Variants in WDPCP observed in about 807,000 individuals in gnomAD.
WDPCP encodes the protein WD repeat containing planar cell polarity effector.
Under a neutral mutation model 93.1 loss-of-function variants are expected in WDPCP, and 71 were observed. The observed-to-expected ratio is 0.76, with a 90% CI of 0.63 to 0.93. WDPCP has a LOEUF of 0.93. Ranked by LOEUF, WDPCP falls within the 40% of genes least tolerant of loss-of-function variation. The pLI is 0.00. For synonymous variants in WDPCP, 315 were observed against 315.0 expected (o/e 1.00, Z 0.00); for missense variants, 844 against 887.4 (o/e 0.95, Z 0.62).
chr2:63,602,831 G>C (rs933935773), intron 3 of WDPCP, among the ~76,000 whole-genome samples: 1 of 151,904 alleles, frequency 6.6e-6, no homozygotes, highest in Non-Finnish European at 1.5e-5. Context: ...ATGCCTTTAA[G>C]ATCCATCCAG....
chr2:63,285,232 T>C (rs7596580), intron 13 of WDPCP, among the ~76,000 whole-genome samples: 123,465 of 152,072 alleles, frequency 0.81, 50,875 homozygotes, highest in East Asian at 0.96. Flanking sequence ...AGATCAAGAC[T>C]ATCCTGGCTA....
rs62180319 is a variant in WDPCP at position 63,161,619 on chromosome 2, T to A, written c.2079-8045A>T. On this transcript the variant is annotated intron_variant, in intron 15 of 17. Coordinates refer to ENST00000272321, the MANE Select transcript of WDPCP (RefSeq NM_015910.7). ...AACAAAAAAAGCCCCTTAAAGTGAA[T>A]CAATTTAAACTGGGGTTGAAAATCA... Among the ~76,000 whole-genome samples the A allele has an allele frequency of 3.4e-3, 524 of 152,278 alleles. 1 individual carries two copies. The highest frequency in any genetic ancestry group is 6.6e-3 in the Non-Finnish European group (448 of 68,006).
At chr2:63,548,950 T>A (rs1319050520) in intron 1 of WDPCP, among the ~76,000 whole-genome samples, 1 of 152,088 alleles carries the variant, frequency 6.6e-6, no homozygotes, top group African/African-American at 2.4e-5. Context: ...TAAACAGTGA[T>A]GAAAATATCA....
intron 2 of WDPCP, among the ~76,000 whole-genome samples, chr2:63,710,576 A>T (rs1322309169): frequency 6.6e-6 from 1 of 152,206 alleles, no homozygotes; most frequent in Non-Finnish European, 1.5e-5. Context: ...TTAATGGACC[A>T]AGAGATCTCT....
At chr2:63,235,209 C>A (rs762580399) in intron 14 of WDPCP, among the ~76,000 whole-genome samples, 4 of 152,018 alleles carry the variant, frequency 2.6e-5, no homozygotes, top group East Asian at 1.9e-4. Context: ...GAAACTGATA[C>A]AAACACCTCA....
chr2:63,250,983 A>G (rs1460512537), intron 14 of WDPCP, among the ~76,000 whole-genome samples: 3 of 152,192 alleles, frequency 2.0e-5, no homozygotes, highest in Admixed American at 6.5e-5. Context: ...AGATCTCTCC[A>G]AAGTTTATAG....
At chr2:63,128,423 A>C (rs1393289474) in intron 17 of WDPCP, among the ~76,000 whole-genome samples, 1 of 152,162 alleles carries the variant, frequency 6.6e-6, no homozygotes, top group Non-Finnish European at 1.5e-5. Flanking sequence ...CCAAGAGGTA[A>C]CTAGATCACT....
chr2:63,271,567 T>C (rs182263101), intron 13 of WDPCP, among the ~76,000 whole-genome samples: 66 of 152,312 alleles, frequency 4.3e-4, no homozygotes, highest in African/African-American at 1.4e-3. Flanking sequence ...TCACTGTCAC[T>C]GGTGCCTACA....
At position 63,503,221 on chromosome 2, in the gene WDPCP, T is replaced by C. The variant is rs117007767; in HGVS notation, c.76-10281A>G. 2.0e-5 allele frequency among the ~76,000 whole-genome samples: 3 copies of C among 152,348 alleles called. No homozygotes were observed. The East Asian group carries it at 5.8e-4, about 29-fold the overall frequency. ...GACAATTTATCAATGGCTTCTTCAT[T>C]GTGGTCTGCTTCCTCTTCTTTCTAC... On this transcript the variant is annotated intron_variant, in intron 1 of 17. Coordinates refer to ENST00000272321, the MANE Select transcript of WDPCP (RefSeq NM_015910.7).
At chr2:63,703,565 GGTTTT>G (rs58378137) in intron 2 of WDPCP, among the ~76,000 whole-genome samples, 29,933 of 150,980 alleles carry the variant, frequency 0.2, 3,135 homozygotes, top group Middle Eastern at 0.29. Flanking sequence ...TTTTTGATGG[GGTTTT>G]GTTTTGTTTT....
chr2:63,420,361 T>TTAAAAAAA (rs1368696608), intron 9 of WDPCP, among the ~76,000 whole-genome samples: 8 of 120,528 alleles, frequency 6.6e-5, no homozygotes, highest in Middle Eastern at 4.5e-3. Flanking sequence ...CATCTTTACT[T>TTAAAAAAA]AAAAAAAAAA....
intron 2 of WDPCP, among the ~76,000 whole-genome samples, chr2:63,488,358 C>CA (rs994411569): frequency 6.6e-6 from 1 of 151,386 alleles, no homozygotes; most frequent in East Asian, 1.9e-4. Flanking sequence ...GATAAAACTT[C>CA]AAAAAAAAGT....
In WDPCP at chr2:63,120,134, C is replaced by A. The variant is rs1413719228; in HGVS notation, c.*1872G>T. The stretch of plus-strand genomic sequence containing the variant: ...GTATTTTGGGTTAATGACTATTTAC[C>A]CGGAAAATCTGGAGAAAATTCTGCA... On this transcript the variant is annotated 3_prime_UTR_variant, in exon 18 of 18. Transcript: ENST00000272321. Among the ~76,000 whole-genome samples, 1 of 151,688 alleles carries A rather than the reference C, an allele frequency of 6.6e-6. No individual in the cohort carries two copies. The highest frequency in any genetic ancestry group is 6.6e-5 in the Admixed American group (1 of 15,232).
chr2:63,415,392 A>G (rs751474905), intron 9 of WDPCP, among the ~76,000 whole-genome samples: 3 of 152,146 alleles, frequency 2.0e-5, no homozygotes, highest in East Asian at 1.9e-4. Flanking sequence ...TTGAATGTGC[A>G]TAAGTTTCCG....
intron 11 of WDPCP, among the ~76,000 whole-genome samples, chr2:63,381,455 C>CA (rs1340861003): frequency 2.6e-5 from 4 of 151,578 alleles, no homozygotes; most frequent in Non-Finnish European, 4.4e-5. Context: ...TTCAGATATA[C>CA]AAAAAAAGGA....
At chr2:63,692,391 G>C (rs1436883882) in intron 2 of WDPCP, among the ~76,000 whole-genome samples, 1 of 151,946 alleles carries the variant, frequency 6.6e-6, no homozygotes, top group African/African-American at 2.4e-5. Flanking sequence ...TAAATGTTTT[G>C]GTAAAATTTT....
Position 63,596,125 on chromosome 2 carries a change from C to G in WDPCP, n.488+54534G>C, listed in dbSNP as rs1190327841. Among the ~76,000 whole-genome samples, 3 of 152,132 alleles carry G rather than the reference C, an allele frequency of 2.0e-5. No individual in the cohort carries two copies. In the East Asian group the frequency reaches 5.8e-4, roughly 29 times the overall value. ...CTATAACACAGATATAATAAGGAAG[C>G]CTTAAATTTGATCGAAAAGTTTATT... On this transcript the variant is annotated intron_variant and non_coding_transcript_variant, in intron 3 of 4. Transcript: ENST00000467687.
At position 63,588,421 on chromosome 2, in the gene WDPCP, G is replaced by C. The variant is rs1709034315; in HGVS notation, c.-150C>G. 1 of 880,042 alleles carries C rather than the reference G, an allele frequency of 1.1e-6. No individual in the cohort carries two copies. Among genetic ancestry groups the C allele is most frequent in the Non-Finnish European group, 1.9e-6 (1 of 536,684 alleles). The allele number at this position is 880,042 out of a possible 1,614,324, so 54.5% of individuals were successfully genotyped here. ...GCTACAAAGCAGCCAGGGTGTGCGT[G>C]CGCTCCCGCCTCGTCGCTTAGCAAC... On this transcript the variant is annotated 5_prime_UTR_variant, in exon 1 of 18. Coordinates refer to ENST00000272321, the MANE Select transcript of WDPCP (RefSeq NM_015910.7).
intron 3 of WDPCP, chr2:63,595,032 T>G (rs1709278532): frequency 3.5e-6 from 1 of 285,838 alleles, no homozygotes; most frequent in Admixed American, 5.0e-5. Flanking sequence ...GGTATTCATT[T>G]ATTCAGTTTC....
Sources: gnomAD v4.1 joint callset for allele counts (sites outside exome capture counted in the v4.1 genomes callset) on GRCh38, gnomAD v4.1.1 for gene constraint, MANE v1.5 for transcripts, NCBI Gene and HGNC (gene_info 2026-07-23, HGNC 2026-07-21) for gene names.